Variants in ANKRD28 observed in about 807,000 individuals in gnomAD.
The protein encoded by ANKRD28 is serine/threonine-protein phosphatase 6 regulatory ankyrin repeat subunit A.
ANKRD28 carries 44 observed loss-of-function variants against 126.5 expected under a neutral mutation model. The observed-to-expected ratio is 0.35, with a 90% CI of 0.27 to 0.45. The LOEUF (loss-of-function observed/expected upper bound fraction) is 0.45. ANKRD28 is among the 20% of genes least tolerant of loss of function. The pLI is 1.00. For missense variants in ANKRD28, 1,110 were observed against 1,316.6 expected, an observed-to-expected ratio of 0.84 and a Z score of 2.43; for synonymous variants, 442 against 468.5, an observed-to-expected ratio of 0.94 and a Z score of 0.73.
At chr3:15,693,240 G>A (rs988104603) in intron 17 of ANKRD28, among the ~76,000 whole-genome samples, 2 of 151,986 alleles carry the variant, frequency 1.3e-5, no homozygotes, top group African/African-American at 4.8e-5. Flanking sequence ...GGTTAAGAAG[G>A]TACGTTTTAT....
intron 1 of ANKRD28, among the ~76,000 whole-genome samples, chr3:15,835,643 G>C (rs570970689): frequency 5.3e-5 from 8 of 152,274 alleles, no homozygotes; most frequent in Non-Finnish European, 1.5e-5. Context: ...AAGATACTTA[G>C]AAATTGACGT....
chr3:15,818,071 G>GA (rs1282768068), intron 1 of ANKRD28, among the ~76,000 whole-genome samples: 2 of 152,100 alleles, frequency 1.3e-5, no homozygotes, highest in African/African-American at 4.8e-5. Flanking sequence ...TATGTATGCT[G>GA]AAAATCACAA....
chr3:15,695,094 A>G, intron 16 of ANKRD28, 94 bp downstream of exon 16: 1 of 1,036,292 alleles, frequency 9.6e-7, no homozygotes, highest in Non-Finnish European at 1.5e-6. Flanking sequence ...ATGTAAAAAC[A>G]CTTTCAGCTC....
chr3:15,715,179 T>C (rs995865561), intron 8 of ANKRD28, among the ~76,000 whole-genome samples: 6 of 152,184 alleles, frequency 3.9e-5, no homozygotes, highest in Admixed American at 6.6e-5. Flanking sequence ...TCTAAAGGAG[T>C]TCCAAATATG....
At chr3:15,780,222 T>C (rs1417864589) in intron 2 of ANKRD28, among the ~76,000 whole-genome samples, 3 of 152,094 alleles carry the variant, frequency 2.0e-5, no homozygotes, top group African/African-American at 7.2e-5. Context: ...AGTTGCAAGA[T>C]ACAAAATCAA....
At chr3:15,695,573 T>A (rs1449044422) in intron 15 of ANKRD28, among the ~76,000 whole-genome samples, 1 of 152,166 alleles carries the variant, frequency 6.6e-6, no homozygotes, top group African/African-American at 2.4e-5. Context: ...TAAGTCTAAA[T>A]AAGAGCATCT....
At chr3:15,803,648 A>G (rs1464808978) in intron 1 of ANKRD28, among the ~76,000 whole-genome samples, 4 of 151,712 alleles carry the variant, frequency 2.6e-5, no homozygotes, top group Non-Finnish European at 4.4e-5. Flanking sequence ...TATTTTAGAA[A>G]TAGGATTTAT....
At chr3:15,682,769 T>C (rs949095343) in intron 21 of ANKRD28, among the ~76,000 whole-genome samples, 3 of 152,240 alleles carry the variant, frequency 2.0e-5, no homozygotes, top group African/African-American at 7.2e-5. Context: ...ACTTTCAGAA[T>C]GCCAAATTAT....
chr3:15,759,529 A>G (rs907045161), intron 3 of ANKRD28, among the ~76,000 whole-genome samples: 1 of 152,140 alleles, frequency 6.6e-6, no homozygotes, highest in Non-Finnish European at 1.5e-5. Context: ...TATACCTCTC[A>G]TCCACAAATC....
At chr3:15,810,060 G>A (rs756577429) in intron 1 of ANKRD28, among the ~76,000 whole-genome samples, 15 of 152,024 alleles carry the variant, frequency 9.9e-5, no homozygotes, top group African/African-American at 2.7e-4. Flanking sequence ...GAATGACACC[G>A]AGTAAATACA....
chr3:15,838,413 A>G lies in ANKRD28; in HGVS notation c.27+20964T>C, dbSNP rs1016627644. 2.6e-5 allele frequency among the ~76,000 whole-genome samples: 4 copies of G among 152,126 alleles called. No individual in the cohort carries two copies. Among genetic ancestry groups the G allele is most frequent in the African/African-American group, 7.2e-5 (3 of 41,414 alleles). On this transcript the variant is annotated intron_variant, in intron 1 of 27. Coordinates refer to the ANKRD28 transcript ENST00000399451. This position sits in a 1 kb window ranked among gnomAD's most constrained non-coding sequence, Gnocchi z 4.0. ...TGGCTATTCTTAAAACATTAAACAT[A>G]AGCTTATTATACGACCCAGCGATTC...
intron 16 of ANKRD28, 66 bp downstream of exon 16, chr3:15,695,122 T>C: frequency 2.3e-6 from 3 of 1,286,142 alleles, no homozygotes; most frequent in East Asian, 2.4e-5. Flanking sequence ...AGCAAACAGA[T>C]AAACATAACT....
At chr3:15,855,004 G>A (rs917826647) in intron 1 of ANKRD28, among the ~76,000 whole-genome samples, 6 of 152,084 alleles carry the variant, frequency 3.9e-5, no homozygotes, top group African/African-American at 9.7e-5. Context: ...CGCCAAGATC[G>A]TGCCGCTGCA....
intron 1 of ANKRD28, among the ~76,000 whole-genome samples, chr3:15,842,827 G>C (rs1052218167): frequency 6.6e-6 from 1 of 152,290 alleles, no homozygotes; most frequent in African/African-American, 2.4e-5. Context: ...TGATGGGAAT[G>C]AATGTTTTCA....
rs1349977574 is a variant in ANKRD28, at chr3:15,713,962, G to A, written c.1076-321C>T. Among the ~76,000 whole-genome samples the A allele has an allele frequency of 2.0e-5, 3 of 152,166 alleles. 1 individual carries two copies. Among genetic ancestry groups the A allele is most frequent in the Non-Finnish European group, 4.4e-5 (3 of 68,016 alleles). ...TAGAGCAAGACTTCAGAGCTTTAAT[G>A]TGCATACTCTGTCATCAAGACTGCA... On this transcript the variant is annotated intron_variant, in intron 9 of 27. Coordinates refer to ENST00000683139, the MANE Select transcript of ANKRD28 (RefSeq NM_001349278.2).
In ANKRD28 at chr3:15,832,775, A is replaced by G. The variant is rs981209511; in HGVS notation, c.27+26602T>C. ...CAATTCCATCCATGTTTGCTGCAAA[A>G]GACATGATTTCATTCTTTATACATA... On this transcript the variant is annotated intron_variant, in intron 1 of 27. Transcript: ENST00000399451. Among the ~76,000 whole-genome samples the G allele has an allele frequency of 3.9e-5, 6 of 152,332 alleles. No individual in the cohort carries two copies. In the East Asian group the frequency reaches 1.2e-3, roughly 29 times the overall value.
chr3:15,835,568 G>C (rs545596481), intron 1 of ANKRD28, among the ~76,000 whole-genome samples: 1 of 152,292 alleles, frequency 6.6e-6, no homozygotes, highest in Admixed American at 6.5e-5. Context: ...ACAGAACTCT[G>C]TATAAAAGTT....
chr3:15,741,733 T>C (rs2057032312), intron 4 of ANKRD28, among the ~76,000 whole-genome samples: 3 of 86,648 alleles, frequency 3.5e-5, no homozygotes, highest in South Asian at 9.6e-4. Flanking sequence ...TTTTTTTTTT[T>C]TTTTAGCAAT....
At chr3:15,832,691 G>A (rs1030200575) in intron 1 of ANKRD28, among the ~76,000 whole-genome samples, 1 of 152,184 alleles carries the variant, frequency 6.6e-6, no homozygotes, top group Non-Finnish European at 1.5e-5. Context: ...CCATTTAGAA[G>A]TGAGAACATG....
Sources: allele counts gnomAD v4.1 joint callset (sites outside exome capture counted in the v4.1 genomes callset), GRCh38; gene constraint gnomAD v4.1.1; non-coding constraint Gnocchi (gnomAD v3.1); transcripts MANE v1.5; gene names NCBI Gene and HGNC (gene_info 2026-07-23, HGNC 2026-07-21).